Variants in TENT5D observed in about 807,000 individuals in gnomAD.
The protein encoded by TENT5D is terminal nucleotidyltransferase 5D, also known as cancer/testis antigen 112.
For synonymous variants in TENT5D, 103 were observed against 100.6 expected (o/e 1.02, Z -0.15); for missense variants, 191 against 287.0 (o/e 0.67, Z 2.42).
chrX:80,432,081 A>G (rs190176664), intron 1 of TENT5D, among the ~76,000 whole-genome samples: 85 of 111,222 alleles, frequency 7.6e-4, no homozygotes, highest in Non-Finnish European at 4.5e-4. Flanking sequence ...GCTCCAGCTG[A>G]CTTTGCCCAG....
chrX:80,381,047 C>A (rs1328112372), intron 3 of TENT5D, among the ~76,000 whole-genome samples: 2 of 111,796 alleles, frequency 1.8e-5, no homozygotes, highest in African/African-American at 6.5e-5. Context: ...CAGTTTCTTC[C>A]TACCATCAAT....
chrX:80,417,436 AATAGTTTTTTTTTTTT>A (rs1484014176), upstream of TENT5D, among the ~76,000 whole-genome samples: 3 of 97,696 alleles, frequency 3.1e-5, no homozygotes, highest in East Asian at 1.2e-3. Flanking sequence ...GGTGGCTGGT[AATAGTTTTTTTTTTTT>A]TTTTTCCACT....
intron 3 of TENT5D, among the ~76,000 whole-genome samples, chrX:80,399,545 A>G (rs751896297): frequency 1.8e-3 from 207 of 112,179 alleles, no homozygotes; most frequent in African/African-American, 6.4e-3. Context: ...GATAGACACA[A>G]TCTGAATGCC....
upstream of TENT5D, among the ~76,000 whole-genome samples, chrX:80,418,646 A>G (rs1255690711): frequency 9.0e-6 from 1 of 111,576 alleles, no homozygotes; most frequent in Non-Finnish European, 1.9e-5. Context: ...TATCTTTGTT[A>G]TTATACTGTT....
chrX:80,338,698 A>C (rs754790956), intron 2 of TENT5D, among the ~76,000 whole-genome samples: 1 of 112,482 alleles, frequency 8.9e-6, no homozygotes, highest in African/African-American at 3.2e-5. Context: ...TAAGATGATC[A>C]GAAAATTAAA....
At chrX:80,352,511 C>G (rs746994572) in intron 3 of TENT5D, among the ~76,000 whole-genome samples, 1 of 110,052 alleles carries the variant, frequency 9.1e-6, no homozygotes, top group Admixed American at 9.7e-5. Context: ...GCCTTCCCCC[C>G]ACCAAGCTCC....
exon 3 of TENT5D, chrX:80,443,650 C>A (rs748762113): frequency 8.3e-7 from 1 of 1,206,457 alleles, no homozygotes; most frequent in South Asian, 1.8e-5. Flanking sequence ...TGAGCCACCC[C>A]CCGTTAGCTT....
intron 1 of TENT5D, among the ~76,000 whole-genome samples, chrX:80,434,286 T>G (rs759669859): frequency 3.6e-4 from 39 of 109,518 alleles, no homozygotes; most frequent in Non-Finnish European, 6.2e-4. Context: ...TAGGTCTGAA[T>G]AGAAACTAAA....
rs367760590 is a variant in TENT5D, at chrX:80,392,308, TTAA to T, written c.-141-46294_-141-46292del. On this transcript the variant is annotated intron_variant, in intron 3 of 4. Transcript: ENST00000538312. ...AAGGATTTAGGTTAATTAGCTCTTT[TTAA>T]TAATAATCTCTTAAAGAAACCTACA... Among the ~76,000 whole-genome samples the T allele has an allele frequency of 2.4e-3, 264 of 109,553 alleles. 1 individual carries two copies. The highest frequency in any genetic ancestry group is 8.0e-3 in the African/African-American group (240 of 30,108).
intron 1 of TENT5D, among the ~76,000 whole-genome samples, chrX:80,434,296 A>C (rs931992189): frequency 9.0e-6 from 1 of 110,811 alleles, no homozygotes; most frequent in African/African-American, 3.3e-5. Context: ...TAGAAACTAA[A>C]ACCTTTAACA....
At chrX:80,354,336 T>C (rs1388368005) in intron 3 of TENT5D, among the ~76,000 whole-genome samples, 1 of 111,653 alleles carries the variant, frequency 9.0e-6, no homozygotes, top group African/African-American at 3.3e-5. Context: ...GGACGGCCAG[T>C]GAATCATAGG....
At chrX:80,425,485 C>T (rs1481671582) in intron 1 of TENT5D, among the ~76,000 whole-genome samples, 1 of 111,891 alleles carries the variant, frequency 8.9e-6, no homozygotes, top group African/African-American at 3.2e-5. Flanking sequence ...TATTAGATAC[C>T]TGCATTTGAA....
intron 2 of TENT5D, 139 bp from the exon 3 acceptor site, chrX:80,442,383 T>G: frequency 2.4e-6 from 1 of 421,425 alleles, no homozygotes; most frequent in South Asian, 5.5e-5. Flanking sequence ...TTAAACATGA[T>G]TAAATATATT....
intron 3 of TENT5D, among the ~76,000 whole-genome samples, chrX:80,375,987 T>C (rs1930717763): frequency 9.0e-6 from 1 of 111,626 alleles, no homozygotes; most frequent in Non-Finnish European, 1.9e-5. Flanking sequence ...TTGAAATATA[T>C]TTTTATGTGT....
chrX:80,363,617 T>TATGAA (rs1319643455), intron 3 of TENT5D, among the ~76,000 whole-genome samples: 1 of 112,405 alleles, frequency 8.9e-6, no homozygotes, highest in Non-Finnish European at 1.9e-5. Flanking sequence ...CACTGTTCTT[T>TATGAA]ATGAAACCAT....
intron 3 of TENT5D, among the ~76,000 whole-genome samples, chrX:80,392,729 G>A (rs1286111737): frequency 9.7e-6 from 1 of 103,136 alleles, no homozygotes; most frequent in Non-Finnish European, 2.0e-5. Context: ...TGTTAGCCAG[G>A]ATGGTCTCGA....
exon 3 of TENT5D, chrX:80,445,130 C>A (rs1932359197): frequency 8.2e-6 from 1 of 122,463 alleles, no homozygotes. Context: ...CAGAAGTACA[C>A]CAAATACGGC....
At chrX:80,436,636 C>T (rs993733451) in intron 1 of TENT5D, among the ~76,000 whole-genome samples, 3 of 110,710 alleles carry the variant, frequency 2.7e-5, no homozygotes, top group African/African-American at 6.6e-5. Flanking sequence ...TGAGAACCTG[C>T]GGTGTTTGGC....
chrX:80,427,438 G>A (rs1312942534), intron 1 of TENT5D, among the ~76,000 whole-genome samples: 1 of 112,063 alleles, frequency 8.9e-6, no homozygotes, highest in African/African-American at 3.2e-5. Context: ...ATATTTTTAA[G>A]ACATTTGCAT....
Sources: gnomAD v4.1 joint callset for allele counts (sites outside exome capture counted in the v4.1 genomes callset) on GRCh38, gnomAD v4.1.1 for gene constraint, MANE v1.5 for transcripts, NCBI Gene and HGNC (gene_info 2026-07-23, HGNC 2026-07-21) for gene names.